STX6: variants seen among roughly 807,000 people sequenced by gnomAD.
STX6 encodes syntaxin 6, also known as syntaxin-6.
A neutral mutation model predicts 38.0 loss-of-function variants in STX6; 23 were observed. That is an observed-to-expected ratio of 0.60 (90% CI 0.43 to 0.86). STX6 has a LOEUF of 0.86. STX6 is among the 40% of genes least tolerant of loss of function. The probability of loss-of-function intolerance (pLI) is 0.00; values close to 1 mark genes in which losing one functional copy is unlikely to be tolerated. For missense variants in STX6, 274 were observed against 312.9 expected, an observed-to-expected ratio of 0.88 and a Z score of 0.94; for synonymous variants, 123 against 107.5, an observed-to-expected ratio of 1.14 and a Z score of -0.89.
At chr1:181,008,725 T>G (rs1041504099) in intron 1 of STX6, among the ~76,000 whole-genome samples, 9 of 95,048 alleles carry the variant, frequency 9.5e-5, no homozygotes, top group Middle Eastern at 4.4e-3. Context: ...CTTTCCAAAA[T>G]TGTTTTTTTT....
rs1168228534 is a variant in STX6 at position 180,990,112 on chromosome 1, G to T, written c.364-3C>A. 6.2e-7 allele frequency: 1 copy of T among 1,613,952 alleles called. No homozygotes were observed. The highest frequency in any genetic ancestry group is 8.5e-7 in the Non-Finnish European group (1 of 1,180,008). On this transcript the variant is annotated splice_region_variant and splice_polypyrimidine_tract_variant and intron_variant, in intron 4 of 7. Transcript: ENST00000258301. ...CTGCCACTGTCTCCCAGCAGTGCCTGTGTGAGAAGAACAACCAGAGGAGTC... is the reference window on the plus strand; with the variant it reads ...CTGCCACTGTCTCCCAGCAGTGCCTTTGTGAGAAGAACAACCAGAGGAGTC...
chr1:180,989,286 G>C (rs1655679543), intron 5 of STX6: 1 of 151,988 alleles, frequency 6.6e-6, no homozygotes, highest in South Asian at 2.1e-4. Flanking sequence ...GAGCTCAAGA[G>C]TTCGAGACCA....
chr1:181,000,483 C>T (rs1376453838), intron 3 of STX6, among the ~76,000 whole-genome samples: 1 of 152,124 alleles, frequency 6.6e-6, no homozygotes, highest in Non-Finnish European at 1.5e-5. Flanking sequence ...TATCATGAGA[C>T]TCACTCACTA....
At chr1:180,988,083 T>G in intron 6 of STX6, 156 bp downstream of exon 6, 1 of 525,310 alleles carries the variant, frequency 1.9e-6, no homozygotes, top group Non-Finnish European at 3.4e-6. Context: ...TTGCTTCTTT[T>G]GGGGAGGCTA....
intron 5 of STX6, chr1:180,989,497 CAAA>C (rs758234812): frequency 9.6e-5 from 6 of 62,738 alleles, no homozygotes; most frequent in South Asian, 6.2e-4. Flanking sequence ...CTCCGTCTCA[CAAA>C]AAAAAAAAAA....
rs139858588 is a variant in STX6 at position 181,005,055 on chromosome 1, T to C, written c.205+239A>G. Reference sequence around the variant, plus strand: ...GTCCACAGTCATAATCATTACACTATGCTGCCTTTATATATATATATACAT... The same window carrying C: ...GTCCACAGTCATAATCATTACACTACGCTGCCTTTATATATATATATACAT... On this transcript the variant is annotated intron_variant, in intron 2 of 7. Transcript: ENST00000258301. Among the ~76,000 whole-genome samples, 531 of 151,794 alleles carry C rather than the reference T, an allele frequency of 3.5e-3. 5 individuals are homozygous for C. The highest frequency in any genetic ancestry group is 0.012 in the African/African-American group (510 of 41,376).
chr1:180,996,827 C>T (rs1279728512), intron 3 of STX6, among the ~76,000 whole-genome samples: 1 of 152,206 alleles, frequency 6.6e-6, no homozygotes, highest in East Asian at 1.9e-4. Flanking sequence ...CCTGCTTTGG[C>T]CTCCCAAAGT....
At chr1:180,977,614 T>C (rs1000145183) in intron 7 of STX6, among the ~76,000 whole-genome samples, 1 of 152,212 alleles carries the variant, frequency 6.6e-6, no homozygotes, top group Non-Finnish European at 1.5e-5. Flanking sequence ...GCCCGACTGA[T>C]AACAGAATTC....
At chr1:180,987,988 CA>C (rs2102307375) in intron 6 of STX6, 1 of 359,898 alleles carries the variant, frequency 2.8e-6, no homozygotes, top group East Asian at 6.4e-5. Flanking sequence ...AGTATCTGCT[CA>C]GAGACATCTG....
intron 5 of STX6, 148 bp downstream of exon 5, chr1:180,989,836 A>G (rs1655700417): frequency 2.1e-6 from 2 of 966,072 alleles, no homozygotes; most frequent in East Asian, 2.4e-5. Context: ...AACCCTTTAC[A>G]TATGCAATTA....
chr1:180,973,704 G>T lies in STX6; in HGVS notation c.*2866C>A, dbSNP rs935988639. ...CACAGTCCAGGGCATATAGAGCATT[G>T]TGATTCTTCACAGTCCGCAGAGACA... On this transcript the variant is annotated 3_prime_UTR_variant, in exon 8 of 8. Coordinates refer to ENST00000258301, the MANE Select transcript of STX6 (RefSeq NM_005819.6). 3 of 152,628 alleles carry T rather than the reference G, an allele frequency of 2.0e-5. No homozygotes were observed. The highest frequency in any genetic ancestry group is 7.2e-5 in the African/African-American group (3 of 41,452). The allele number at this position is 152,628 out of a possible 1,614,324, so 9.5% of individuals were successfully genotyped here.
intron 6 of STX6, among the ~76,000 whole-genome samples, chr1:180,986,231 C>T (rs1370864108): frequency 6.6e-6 from 1 of 152,210 alleles, no homozygotes; most frequent in Admixed American, 6.5e-5. Context: ...ATATGAGTCA[C>T]ATATGCCATT....
chr1:180,993,843 G>A (rs566725473), intron 3 of STX6, among the ~76,000 whole-genome samples: 1 of 143,074 alleles, frequency 7.0e-6, no homozygotes, highest in Non-Finnish European at 1.5e-5. Flanking sequence ...ACATCCCTGG[G>A]GTACAAACAC....
Position 180,974,300 on chromosome 1 carries a change from T to TAACTTTCTA in STX6, c.*2261_*2269dup, listed in dbSNP as rs1571319228. On this transcript the variant is annotated 3_prime_UTR_variant, in exon 8 of 8. Transcript: ENST00000258301. The stretch of plus-strand genomic sequence containing the variant: ...GGGTAGAATGCACTGTATTGTTAGT[T>TAACTTTCTA]AACTTTCTAAATTGTTCTCTATTTA... The TAACTTTCTA allele has an allele frequency of 6.6e-6, 1 of 152,358 alleles. No homozygotes were observed. The highest frequency in any genetic ancestry group is 1.9e-4 in the East Asian group (1 of 5,184). The allele number at this position is 152,358 out of a possible 1,614,324, so 9.4% of individuals were successfully genotyped here.
chr1:181,013,789 T>C (rs1656476852), intron 1 of STX6, among the ~76,000 whole-genome samples: 1 of 152,156 alleles, frequency 6.6e-6, no homozygotes, highest in Non-Finnish European at 1.5e-5. Flanking sequence ...CAGCTGAAAA[T>C]ATTAAACAGG....
chr1:180,982,024 TTAAAA>T (rs1402425339), intron 7 of STX6, among the ~76,000 whole-genome samples: 2 of 152,196 alleles, frequency 1.3e-5, no homozygotes, highest in Admixed American at 6.5e-5. Flanking sequence ...CAGTATCTAC[TTAAAA>T]TAAAATACTT....
intron 1 of STX6, among the ~76,000 whole-genome samples, chr1:181,020,702 T>A (rs1283272629): frequency 6.6e-6 from 1 of 152,232 alleles, no homozygotes; most frequent in African/African-American, 2.4e-5. Flanking sequence ...AGGAGTTACC[T>A]TTCTCTGAAC....
At chr1:180,981,851 A>G (rs1029615613) in intron 7 of STX6, among the ~76,000 whole-genome samples, 6 of 152,122 alleles carry the variant, frequency 3.9e-5, no homozygotes, top group Non-Finnish European at 8.8e-5. Context: ...TTGTGACCTC[A>G]AGTGGAAAGT....
chr1:180,991,684 T>C (rs1415724593), intron 4 of STX6, among the ~76,000 whole-genome samples: 2 of 152,128 alleles, frequency 1.3e-5, no homozygotes, highest in African/African-American at 4.8e-5. Flanking sequence ...GCCCAAGGAC[T>C]GGAAGATGCA....
Sources: allele counts gnomAD v4.1 joint callset (sites outside exome capture counted in the v4.1 genomes callset), GRCh38; gene constraint gnomAD v4.1.1; transcripts MANE v1.5; gene names NCBI Gene and HGNC (gene_info 2026-07-23, HGNC 2026-07-21).